NRG3: variants seen among roughly 807,000 people sequenced by gnomAD.
The protein encoded by NRG3 is neuregulin 3.
NRG3 carries 31 observed loss-of-function variants against 66.9 expected under a neutral mutation model. That is an observed-to-expected ratio of 0.46 (90% confidence interval 0.35 to 0.63). The LOEUF (loss-of-function observed/expected upper bound fraction) is 0.63. NRG3 is among the 20% of genes least tolerant of loss of function. The pLI is 0.00. For synonymous variants in NRG3, 393 were observed against 359.4 expected (o/e 1.09, Z -1.06); for missense variants, 910 against 878.9 (o/e 1.04, Z -0.45).
At chr10:82,574,519 A>G (rs1429906424) in intron 2 of NRG3, among the ~76,000 whole-genome samples, 1 of 151,826 alleles carries the variant, frequency 6.6e-6, no homozygotes, top group Non-Finnish European at 1.5e-5. Context: ...CAAAATAGCT[A>G]GAAGAAAAGA....
chr10:81,876,222 G>C, intron 1 of NRG3, 59 bp downstream of exon 1: 1 of 1,508,524 alleles, frequency 6.6e-7, no homozygotes. Context: ...CTGCCCTCCT[G>C]CTGTCTTTTT....
chr10:81,928,720 CATA>C (rs1002621159), intron 1 of NRG3, among the ~76,000 whole-genome samples: 3 of 152,092 alleles, frequency 2.0e-5, no homozygotes, highest in African/African-American at 2.4e-5. Context: ...CATGTATAAT[CATA>C]ATAAGAGCCG....
rs78903778 is a variant in NRG3 at position 82,688,953 on chromosome 10, C to T, written c.954-49624C>T. On this transcript the variant is annotated intron_variant, in intron 2 of 8. Coordinates refer to ENST00000372141, the MANE Select transcript of NRG3 (RefSeq NM_001010848.4). ...AGATGGAGAGAAAGAACTTTTTAAA[C>T]GCAACTCTATAATTTGTATATCTGA... Among the ~76,000 whole-genome samples, 1,224 of 152,166 alleles carry T rather than the reference C, an allele frequency of 8.0e-3. 9 individuals carry two copies. The highest frequency in any genetic ancestry group is 0.028 in the African/African-American group (1,144 of 41,514).
At chr10:82,755,418 T>C (rs1388397314) in intron 3 of NRG3, among the ~76,000 whole-genome samples, 1 of 152,124 alleles carries the variant, frequency 6.6e-6, no homozygotes, top group African/African-American at 2.4e-5. Context: ...TTTTGAACAC[T>C]TGATCTCATT....
chr10:82,682,758 G>C (rs539642447), intron 2 of NRG3, among the ~76,000 whole-genome samples: 37 of 152,118 alleles, frequency 2.4e-4, no homozygotes, highest in African/African-American at 8.9e-4. Context: ...TTGGTGTACT[G>C]TTTAAATTTC....
At chr10:82,843,305 A>G (rs2063152089) in intron 3 of NRG3, 1 of 447,334 alleles carries the variant, frequency 2.2e-6, no homozygotes, top group Non-Finnish European at 4.5e-6. Flanking sequence ...TCATTCTCAA[A>G]GGACAATTTA....
intron 1 of NRG3, among the ~76,000 whole-genome samples, chr10:82,289,086 T>C (rs1253785182): frequency 6.6e-6 from 1 of 152,208 alleles, no homozygotes; most frequent in African/African-American, 2.4e-5. Context: ...TCCATGCTGC[T>C]CCCTGTACTT....
chr10:82,310,172 C>T (rs1402263951), intron 1 of NRG3, among the ~76,000 whole-genome samples: 3 of 152,222 alleles, frequency 2.0e-5, no homozygotes, highest in East Asian at 1.9e-4. Context: ...CAATTGTAAG[C>T]GCGACATTGC....
chr10:82,702,212 C>G (rs1034443429), intron 2 of NRG3, among the ~76,000 whole-genome samples: 1 of 152,166 alleles, frequency 6.6e-6, no homozygotes, highest in African/African-American at 2.4e-5. Flanking sequence ...AATAGTTTCT[C>G]TTGTCACACA....
chr10:82,775,165 G>T (rs150506318), intron 3 of NRG3, among the ~76,000 whole-genome samples: 1 of 149,882 alleles, frequency 6.7e-6, no homozygotes, highest in African/African-American at 2.4e-5. Context: ...GTTTAGTTTC[G>T]CTTCTTCACT....
intron 3 of NRG3, among the ~76,000 whole-genome samples, chr10:82,757,368 CTT>C (rs1289685486): frequency 6.6e-6 from 1 of 152,012 alleles, no homozygotes; most frequent in Non-Finnish European, 1.5e-5. Context: ...ACTGAATAAA[CTT>C]ATCAGACAGT....
intron 2 of NRG3, among the ~76,000 whole-genome samples, chr10:82,724,234 T>G (rs1163439753): frequency 6.6e-6 from 1 of 151,912 alleles, no homozygotes; most frequent in Non-Finnish European, 1.5e-5. Context: ...TTTTTTTTTT[T>G]AAGACCAGAC....
In NRG3 at chr10:81,979,187, C is replaced by CAAA. The variant is rs34468792; in HGVS notation, c.823+103047_823+103049dup. ...CTGGCGACAGGGCGGGACTCCGTCT[C>CAAA]AAAAAAAAAAAAAAAAAAAAAAAAA... On this transcript the variant is annotated intron_variant, in intron 1 of 8. Coordinates refer to ENST00000372141, the MANE Select transcript of NRG3 (RefSeq NM_001010848.4). Among the ~76,000 whole-genome samples, 99 of 81,952 alleles carry CAAA rather than the reference C, an allele frequency of 1.2e-3. 1 individual carries two copies. The highest frequency in any genetic ancestry group is 6.9e-3 in the Middle Eastern group (1 of 144). 53.8% of individuals were successfully genotyped at this position (81,952 alleles called of 152,430 possible). A position where few individuals can be genotyped will look rare whatever the true frequency, so the allele number is the denominator to read the frequency against.
intron 1 of NRG3, among the ~76,000 whole-genome samples, chr10:82,303,758 C>A (rs964434729): frequency 2.0e-5 from 3 of 151,926 alleles, no homozygotes; most frequent in African/African-American, 7.3e-5. Context: ...ATCCCAGCTA[C>A]TCGGGAGGCT....
intron 1 of NRG3, among the ~76,000 whole-genome samples, chr10:81,939,220 C>T (rs947685876): frequency 6.6e-6 from 1 of 151,786 alleles, no homozygotes; most frequent in African/African-American, 2.4e-5. Flanking sequence ...AGATATTGGT[C>T]TATAGTTTTA....
At chr10:82,367,146 G>A (rs6584681) in intron 2 of NRG3, among the ~76,000 whole-genome samples, 50,842 of 151,938 alleles carry the variant, frequency 0.33, 10,994 homozygotes, top group African/African-American at 0.6. Flanking sequence ...ACACGGAGAC[G>A]TGCACACACT....
intron 1 of NRG3, among the ~76,000 whole-genome samples, chr10:82,332,768 G>T (rs1366426854): frequency 2.6e-5 from 4 of 152,046 alleles, no homozygotes; most frequent in Non-Finnish European, 4.4e-5. Flanking sequence ...CTATATTTTG[G>T]TCTCAAATGC....
intron 2 of NRG3, among the ~76,000 whole-genome samples, chr10:82,709,193 C>A (rs1190798908): frequency 6.6e-6 from 1 of 152,080 alleles, no homozygotes; most frequent in Non-Finnish European, 1.5e-5. Flanking sequence ...ATGTAAAATG[C>A]AGTTTTCTAT....
chr10:82,441,139 A>G (rs2090412927), intron 2 of NRG3, among the ~76,000 whole-genome samples: 1 of 152,244 alleles, frequency 6.6e-6, no homozygotes, highest in Non-Finnish European at 1.5e-5. Context: ...CTTAGAAGTA[A>G]TAGTTTTATC....
Sources: gnomAD v4.1 joint callset for allele counts (sites outside exome capture counted in the v4.1 genomes callset) on GRCh38, gnomAD v4.1.1 for gene constraint, MANE v1.5 for transcripts, NCBI Gene and HGNC (gene_info 2026-07-23, HGNC 2026-07-21) for gene names.